The following GABRA3 variants were observed in gnomAD, a reference collection of about 807,000 sequenced individuals.
GABRA3 encodes the protein gamma-aminobutyric acid receptor subunit alpha-3.
GABRA3 carries 10 observed loss-of-function variants against 30.1 expected under a neutral mutation model. The ratio of observed to expected loss-of-function variants is 0.33; its 90% CI spans 0.20 to 0.56. The LOEUF is 0.56. Among genes scored for constraint, GABRA3 ranks in the 20% least tolerant of loss-of-function variants. The pLI is 0.89. For synonymous variants in GABRA3, 151 were observed against 146.8 expected (o/e 1.03, Z -0.21); for missense variants, 233 against 392.0 (o/e 0.59, Z 3.42).
intron 4 of GABRA3, among the ~76,000 whole-genome samples, chrX:152,273,068 G>A (rs184947213): frequency 2.2e-4 from 25 of 111,583 alleles, no homozygotes; most frequent in African/African-American, 2.9e-4. Context: ...GATATAAGCC[G>A]CTCAAACAAC....
chrX:152,262,838 C>T (rs755743532), intron 4 of GABRA3, among the ~76,000 whole-genome samples: 20 of 111,823 alleles, frequency 1.8e-4, no homozygotes, highest in African/African-American at 6.5e-4. Context: ...CAACAGTGCC[C>T]GACTCTCTGT....
intron 6 of GABRA3, among the ~76,000 whole-genome samples, chrX:152,213,923 CTTT>C (rs760097922): frequency 4.5e-5 from 5 of 109,949 alleles, no homozygotes; most frequent in Non-Finnish European, 9.5e-5. Context: ...TTCTCTATTC[CTTT>C]TTTTTTATTT....
chrX:152,208,875 A>C (rs1201062443), intron 6 of GABRA3, among the ~76,000 whole-genome samples: 1 of 111,603 alleles, frequency 9.0e-6, no homozygotes, highest in Non-Finnish European at 1.9e-5. Context: ...TGAACCAAAT[A>C]AAACTCTTTT....
At chrX:152,372,255 T>C (rs1001616462) in intron 1 of GABRA3, among the ~76,000 whole-genome samples, 4 of 111,481 alleles carry the variant, frequency 3.6e-5, no homozygotes, top group African/African-American at 9.8e-5. Flanking sequence ...CCATGACCTA[T>C]AAGAATCTAC....
chrX:152,361,434 G>C (rs756411008), intron 2 of GABRA3, among the ~76,000 whole-genome samples: 1 of 109,105 alleles, frequency 9.2e-6, no homozygotes, highest in South Asian at 4.1e-4. Flanking sequence ...TTAGCTGGGC[G>C]TGGTGGCATG....
chrX:152,422,009 A>G (rs1339159936), intron 1 of GABRA3, among the ~76,000 whole-genome samples: 1 of 111,595 alleles, frequency 9.0e-6, no homozygotes, highest in Non-Finnish European at 1.9e-5. Context: ...TAAGTTGAAA[A>G]TATGCATACC....
At chrX:152,320,232 G>GA (rs1038092369) in intron 3 of GABRA3, among the ~76,000 whole-genome samples, 8 of 111,146 alleles carry the variant, frequency 7.2e-5, no homozygotes, top group African/African-American at 2.6e-4. Context: ...TATCTACCCA[G>GA]AAAAAAAGAA....
At chrX:152,270,274 C>A (rs1017084517) in intron 4 of GABRA3, among the ~76,000 whole-genome samples, 2 of 111,398 alleles carry the variant, frequency 1.8e-5, no homozygotes, top group African/African-American at 6.5e-5. Flanking sequence ...TTACTTGACA[C>A]TTCTCTCTTC....
At chrX:152,268,256 C>T (rs1453901774) in intron 4 of GABRA3, among the ~76,000 whole-genome samples, 3 of 111,790 alleles carry the variant, frequency 2.7e-5, no homozygotes, top group African/African-American at 9.8e-5. Flanking sequence ...ACCCAAATCT[C>T]ACCTTCAATT....
chrX:152,446,656 A>T lies in GABRA3; in HGVS notation c.-27+4490T>A, dbSNP rs532567269. On this transcript the variant is annotated intron_variant, in intron 1 of 9. Coordinates refer to ENST00000370314, the MANE Select transcript of GABRA3 (RefSeq NM_000808.4). Reference sequence around the variant, plus strand: ...ACTCTCAAATCACTCTCTCCTACTGACTTCTTTCCAGAGTTCCAATCCCAT... The same window carrying T: ...ACTCTCAAATCACTCTCTCCTACTGTCTTCTTTCCAGAGTTCCAATCCCAT... 4.1e-4 allele frequency among the ~76,000 whole-genome samples: 45 copies of T among 110,498 alleles called. No individual in the cohort carries two copies. The South Asian group carries it at 0.017, about 42-fold the overall frequency.
intron 3 of GABRA3, among the ~76,000 whole-genome samples, chrX:152,307,639 C>T (rs1193746335): frequency 4.5e-5 from 5 of 111,395 alleles, no homozygotes; most frequent in African/African-American, 1.3e-4. Context: ...AGCATATCTT[C>T]GGAAGAAAGG....
rs1025723675 is a variant in GABRA3 at position 152,413,015 on chromosome X, C to A, written c.-27+38131G>T. Among the ~76,000 whole-genome samples the A allele has an allele frequency of 2.7e-5, 3 of 110,599 alleles. No individual in the cohort carries two copies. In the Admixed American group the frequency reaches 2.9e-4, roughly 11 times the overall value. On this transcript the variant is annotated intron_variant, in intron 1 of 9. Coordinates refer to ENST00000370314, the MANE Select transcript of GABRA3 (RefSeq NM_000808.4). ...GACTCTATGAAACCAAGAAGTGCAA[C>A]GAACTTCAAGTTTAATAAATTCAAA...
At chrX:152,437,690 C>T (rs771845706) in intron 1 of GABRA3, among the ~76,000 whole-genome samples, 2 of 111,521 alleles carry the variant, frequency 1.8e-5, no homozygotes, top group African/African-American at 6.5e-5. Context: ...AATAGAGACC[C>T]CAGAAATAGA....
Position 152,199,824 on chromosome X carries a change from C to A in GABRA3, c.779-2039G>T, listed in dbSNP as rs767880663. Among the ~76,000 whole-genome samples, 132 of 109,602 alleles carry A rather than the reference C, an allele frequency of 1.2e-3. 3 individuals carry two copies. Among genetic ancestry groups the A allele is most frequent in the Non-Finnish European group, 1.3e-3 (67 of 52,707 alleles). ...TCTCACTTGCTCTCCTTCCCTCCCT[C>A]CTTTCTGTCTCACATTTACACACAC... On this transcript the variant is annotated intron_variant, in intron 7 of 9. Transcript: ENST00000370314.
chrX:152,304,461 G>A (rs140474337), intron 3 of GABRA3, among the ~76,000 whole-genome samples: 9,973 of 111,725 alleles, frequency 0.089, 485 homozygotes, highest in Non-Finnish European at 0.14. Flanking sequence ...AATCCATCTG[G>A]AGTTGATTTT....
chrX:152,291,302 T>C (rs1939411261), intron 3 of GABRA3, among the ~76,000 whole-genome samples: 1 of 111,705 alleles, frequency 9.0e-6, no homozygotes. Flanking sequence ...TCACTCATGA[T>C]GTGGCTCTCT....
chrX:152,364,478 T>C lies in GABRA3; in HGVS notation c.93A>G (p.Glu31=), dbSNP rs1928600569. 2.5e-6 allele frequency: 3 copies of C among 1,209,620 alleles called. No individual in the cohort carries two copies. The highest frequency in any genetic ancestry group is 3.4e-6 in the Non-Finnish European group (3 of 894,201). Residue 31 remains glutamate, a synonymous_variant, in exon 2 of 10, where the codon GAA becomes GAG. Transcript: ENST00000370314. ...AGTCCCCGGGTTCTTGTCGTCTTGA[T>C]TCCCCTTGACCAGTGGTTCCAGGGA... is the stretch of plus-strand genomic sequence containing the variant. ...NILPGTTGQG[E]SRRQEPGDFV... is the part of the protein sequence containing the mutation.
chrX:152,376,915 G>A (rs1929013843), intron 1 of GABRA3, among the ~76,000 whole-genome samples: 1 of 111,543 alleles, frequency 9.0e-6, no homozygotes, highest in Admixed American at 9.6e-5. Flanking sequence ...TTCTCATTAA[G>A]AGAGACAGGA....
At chrX:152,431,651 T>C (rs1930653764) in intron 1 of GABRA3, among the ~76,000 whole-genome samples, 1 of 111,810 alleles carries the variant, frequency 8.9e-6, no homozygotes, top group African/African-American at 3.3e-5. Context: ...TATAATAGAT[T>C]ATTTGGATTA....
Sources: gnomAD v4.1 joint callset for allele counts (sites outside exome capture counted in the v4.1 genomes callset) on GRCh38, gnomAD v4.1.1 for gene constraint, MANE v1.5 for transcripts, NCBI Gene and HGNC (gene_info 2026-07-23, HGNC 2026-07-21) for gene names.